ZNF407: variants seen among roughly 807,000 people sequenced by gnomAD.
ZNF407 encodes zinc finger protein 407.
A neutral mutation model predicts 131.2 loss-of-function variants in ZNF407; 17 were observed. The ratio of observed to expected loss-of-function variants is 0.13; its 90% CI spans 0.09 to 0.19. ZNF407 has a LOEUF of 0.19. Ranked by LOEUF, ZNF407 falls within the 10% of genes least tolerant of loss-of-function variation. The probability of loss-of-function intolerance (pLI) is 1.00; values close to 1 mark genes in which losing one functional copy is unlikely to be tolerated. For synonymous variants in ZNF407, 1,156 were observed against 1,062.0 expected (o/e 1.09, Z -1.72); for missense variants, 2,681 against 2,830.6 (o/e 0.95, Z 1.20).
rs1208597858 is a variant in ZNF407, at chr18:74,631,057, A to G, written c.38A>G (p.Asp13Gly). Reference sequence around the variant, plus strand: ...GAGAATAAACCCGAAAATGATGAGGATGAAAAGATAAACAAAGAAGCACAA... The same window carrying G: ...GAGAATAAACCCGAAAATGATGAGGGTGAAAAGATAAACAAAGAAGCACAA... ...DSENKPENDE[D>G]EKINKEAQDL... The change falls in exon 2 of 9, where the codon GAT (aspartate) becomes GGT (glycine). Residue 13 changes from aspartate (D) to glycine (G), a missense_variant. Physicochemically the swap from Asp to Gly is moderately conservative, Grantham distance 94 (BLOSUM62 -1). Coordinates refer to ENST00000299687, the MANE Select transcript of ZNF407 (RefSeq NM_017757.3). 4 of 1,611,884 alleles carry G rather than the reference A, an allele frequency of 2.5e-6. No homozygotes were observed. Among genetic ancestry groups the G allele is most frequent in the Non-Finnish European group, 3.4e-6 (4 of 1,179,330 alleles).
At chr18:74,932,935 G>A (rs928249661) in intron 8 of ZNF407, among the ~76,000 whole-genome samples, 1 of 152,186 alleles carries the variant, frequency 6.6e-6, no homozygotes, top group African/African-American at 2.4e-5. Context: ...ACCCTTATGC[G>A]CTGCTGAAGC....
At chr18:74,629,036 G>A (rs994098402) in intron 1 of ZNF407, among the ~76,000 whole-genome samples, 1 of 152,160 alleles carries the variant, frequency 6.6e-6, no homozygotes, top group Non-Finnish European at 1.5e-5. Flanking sequence ...GTTTTTGGGT[G>A]GATATATGTT....
At chr18:74,652,004 G>A (rs1245605020) in intron 3 of ZNF407, among the ~76,000 whole-genome samples, 1 of 152,084 alleles carries the variant, frequency 6.6e-6, no homozygotes, top group Non-Finnish European at 1.5e-5. Context: ...AATCTCTCCT[G>A]TCAGATTTTA....
intron 7 of ZNF407, among the ~76,000 whole-genome samples, chr18:74,894,604 T>C (rs949842192): frequency 6.6e-6 from 1 of 152,160 alleles, no homozygotes; most frequent in Non-Finnish European, 1.5e-5. Context: ...AACTGGGCTT[T>C]TGTTTATGTG....
At chr18:74,637,673 T>C (rs17055278) in intron 2 of ZNF407, among the ~76,000 whole-genome samples, 9,353 of 152,248 alleles carry the variant, frequency 0.061, 341 homozygotes, top group East Asian at 0.12. Context: ...GTTTTTTTCT[T>C]GGAGCATCTT....
intron 3 of ZNF407, among the ~76,000 whole-genome samples, chr18:74,729,059 T>C (rs185187837): frequency 3.9e-5 from 6 of 152,322 alleles, no homozygotes; most frequent in Non-Finnish European, 8.8e-5. Context: ...GACAGGTTTG[T>C]ATCTGACTAT....
intron 4 of ZNF407, among the ~76,000 whole-genome samples, chr18:74,839,919 C>T (rs535409358): frequency 6.6e-6 from 1 of 152,254 alleles, no homozygotes; most frequent in East Asian, 1.9e-4. Flanking sequence ...CTCTATAAAG[C>T]ACGGAAGAGG....
chr18:74,841,396 T>G (rs868668231), intron 4 of ZNF407, among the ~76,000 whole-genome samples: 17 of 152,138 alleles, frequency 1.1e-4, no homozygotes, highest in African/African-American at 3.4e-4. Flanking sequence ...ATCCCTTTGC[T>G]CACCGCTTCC....
chr18:74,662,056 G>A (rs1020981746), intron 3 of ZNF407, among the ~76,000 whole-genome samples: 4 of 138,808 alleles, frequency 2.9e-5, no homozygotes, highest in Non-Finnish European at 6.3e-5. Context: ...TTTTTTTTTT[G>A]GTATGATCAA....
intron 3 of ZNF407, among the ~76,000 whole-genome samples, chr18:74,660,482 T>TC (rs1487194514): frequency 1.6e-4 from 24 of 152,276 alleles, no homozygotes; most frequent in African/African-American, 5.8e-4. Context: ...CTAAACTGAC[T>TC]CCAAGTAATA....
At chr18:74,951,352 T>G (rs1333709281) in intron 8 of ZNF407, among the ~76,000 whole-genome samples, 1 of 152,216 alleles carries the variant, frequency 6.6e-6, no homozygotes, top group African/African-American at 2.4e-5. Flanking sequence ...CTCTCCTCCC[T>G]GTTCTTGGTT....
intron 2 of ZNF407, among the ~76,000 whole-genome samples, chr18:74,637,164 A>C (rs1984501310): frequency 6.6e-6 from 1 of 152,242 alleles, no homozygotes; most frequent in Non-Finnish European, 1.5e-5. Flanking sequence ...ATTCAAGAAC[A>C]GAGTAAGGCT....
At chr18:74,721,142 T>A (rs1282725366) in intron 3 of ZNF407, among the ~76,000 whole-genome samples, 5 of 152,166 alleles carry the variant, frequency 3.3e-5, no homozygotes, top group African/African-American at 9.7e-5. Flanking sequence ...GTCTTTCCAT[T>A]TGTTTGTATC....
chr18:74,791,536 A>G (rs190795273), intron 4 of ZNF407, among the ~76,000 whole-genome samples: 151 of 152,298 alleles, frequency 9.9e-4, no homozygotes, highest in Non-Finnish European at 1.2e-3. Context: ...CTTTTGGTGA[A>G]GCTGACATGA....
intron 4 of ZNF407, among the ~76,000 whole-genome samples, chr18:74,866,987 G>GGA (rs1971020785): frequency 1.6e-5 from 1 of 62,788 alleles, no homozygotes; most frequent in Admixed American, 2.1e-4. Flanking sequence ...GTGTCTACCC[G>GGA]AAAAAAAAAA....
intron 3 of ZNF407, among the ~76,000 whole-genome samples, chr18:74,686,450 G>A (rs1035936875): frequency 6.6e-6 from 1 of 152,036 alleles, no homozygotes; most frequent in Non-Finnish European, 1.5e-5. Flanking sequence ...ACTATTCTCT[G>A]TGGCACTGCC....
chr18:74,603,694 GT>G (rs892752937), intron 1 of ZNF407, among the ~76,000 whole-genome samples: 9 of 152,142 alleles, frequency 5.9e-5, no homozygotes, highest in African/African-American at 2.2e-4. Context: ...AAGCATTTTT[GT>G]TTTTTTGGTA....
chr18:74,868,218 T>C (rs910748378), intron 4 of ZNF407, among the ~76,000 whole-genome samples: 1 of 152,232 alleles, frequency 6.6e-6, no homozygotes, highest in African/African-American at 2.4e-5. Context: ...AGCATTGCTA[T>C]AGCTAACATG....
chr18:74,679,323 A>C (rs867863874), intron 3 of ZNF407, among the ~76,000 whole-genome samples: 1 of 152,160 alleles, frequency 6.6e-6, no homozygotes, highest in Non-Finnish European at 1.5e-5. Flanking sequence ...TTATATTGTG[A>C]TGTCTTACTG....
Sources: gnomAD v4.1 joint callset for allele counts (sites outside exome capture counted in the v4.1 genomes callset) on GRCh38, gnomAD v4.1.1 for gene constraint, MANE v1.5 for transcripts, NCBI Gene and HGNC (gene_info 2026-07-23, HGNC 2026-07-21) for gene names.